Variants in LYPLAL1 observed in about 807,000 individuals in gnomAD.
LYPLAL1 encodes the protein lysophospholipase-like protein 1.
Under a neutral mutation model 19.7 loss-of-function variants are expected in LYPLAL1, and 23 were observed. That is an observed-to-expected ratio of 1.17 (90% CI 0.84 to 1.65). LYPLAL1 has a LOEUF of 1.65. Ranked by LOEUF, LYPLAL1 falls within the 40% of genes most tolerant of loss-of-function variation. LYPLAL1 has a pLI of 0.00. For missense variants in LYPLAL1, 355 were observed against 279.4 expected (o/e 1.27, Z -1.93); for synonymous variants, 119 against 96.3 (o/e 1.24, Z -1.38).
chr1:219,445,027 C>A, the LYPLAL1 span, among the ~76,000 whole-genome samples: 1 of 151,184 alleles, frequency 6.6e-6, no homozygotes, highest in Non-Finnish European at 1.5e-5. Context: ...AATATGCTTT[C>A]TAGACCACAA....
chr1:219,238,304 A>ATTTTTTT, the LYPLAL1 span, among the ~76,000 whole-genome samples: 142 of 81,872 alleles, frequency 1.7e-3, 7 homozygotes, highest in African/African-American at 6.0e-3. Flanking sequence ...CGCCCGGCTA[A>ATTTTTTT]TTTTTTTTTT....
the LYPLAL1 span, among the ~76,000 whole-genome samples, chr1:219,260,825 C>CA: frequency 6.6e-6 from 1 of 151,332 alleles, no homozygotes; most frequent in Non-Finnish European, 1.5e-5. Flanking sequence ...TTCTTGAAGA[C>CA]AAAAAAACCT....
At chr1:219,388,768 A>G in the LYPLAL1 span, among the ~76,000 whole-genome samples, 3 of 152,218 alleles carry the variant, frequency 2.0e-5, no homozygotes, top group Non-Finnish European at 4.4e-5. Context: ...GTTGATGAAC[A>G]TTAAGGGAAA....
the LYPLAL1 span, among the ~76,000 whole-genome samples, chr1:219,340,929 G>T: frequency 1.3e-5 from 2 of 152,028 alleles, no homozygotes; most frequent in African/African-American, 4.8e-5. Context: ...TCTCCTATCT[G>T]TTAAAGCCTT....
the LYPLAL1 span, among the ~76,000 whole-genome samples, chr1:219,238,459 T>A: frequency 6.6e-6 from 1 of 151,880 alleles, no homozygotes; most frequent in African/African-American, 2.4e-5. Flanking sequence ...CCTAAACTTT[T>A]AATGTTTCTG....
At chr1:219,380,710 C>T in the LYPLAL1 span, among the ~76,000 whole-genome samples, 1 of 152,144 alleles carries the variant, frequency 6.6e-6, no homozygotes, top group Admixed American at 6.5e-5. Context: ...AGTCAAAAGG[C>T]AATATAAATA....
chr1:219,194,858 G>A (rs1167805732), intron 3 of LYPLAL1, among the ~76,000 whole-genome samples: 1 of 152,056 alleles, frequency 6.6e-6, no homozygotes, highest in Non-Finnish European at 1.5e-5. Flanking sequence ...AGTCTAGGTA[G>A]AGGGAATGAT....
At chr1:219,234,775 T>A in the LYPLAL1 span, among the ~76,000 whole-genome samples, 1 of 152,136 alleles carries the variant, frequency 6.6e-6, no homozygotes, top group Non-Finnish European at 1.5e-5. Context: ...TGACCTGGTA[T>A]TTTTATCACT....
chr1:219,411,563 G>A, the LYPLAL1 span, among the ~76,000 whole-genome samples: 1 of 152,310 alleles, frequency 6.6e-6, no homozygotes, highest in East Asian at 1.9e-4. Context: ...GGTGGGGCCA[G>A]ATAAGAGAAT....
chr1:219,339,938 A>G, the LYPLAL1 span, among the ~76,000 whole-genome samples: 2 of 152,012 alleles, frequency 1.3e-5, no homozygotes, highest in East Asian at 3.9e-4. Context: ...CTCTTCACTG[A>G]CTTTTGGTAC....
At chr1:219,225,156 C>T in the LYPLAL1 span, among the ~76,000 whole-genome samples, 1 of 152,180 alleles carries the variant, frequency 6.6e-6, no homozygotes, top group Non-Finnish European at 1.5e-5. Context: ...AGCACTCATC[C>T]TAGTTCCAGA....
chr1:219,260,969 A>G, the LYPLAL1 span, among the ~76,000 whole-genome samples: 2 of 152,032 alleles, frequency 1.3e-5, no homozygotes, highest in East Asian at 1.9e-4. Context: ...ATTTTAAAAC[A>G]TGCCTTTCAA....
chr1:219,258,426 T>C, the LYPLAL1 span, among the ~76,000 whole-genome samples: 1 of 152,032 alleles, frequency 6.6e-6, no homozygotes, highest in Non-Finnish European at 1.5e-5. Flanking sequence ...CTGCCATGGC[T>C]CCAGCCAGTC....
the LYPLAL1 span, among the ~76,000 whole-genome samples, chr1:219,288,773 C>T: frequency 2.0e-5 from 3 of 152,156 alleles, no homozygotes; most frequent in Non-Finnish European, 4.4e-5. Context: ...TATAAGAAAT[C>T]TCTGTATCTT....
chr1:219,301,767 C>G, the LYPLAL1 span, among the ~76,000 whole-genome samples: 1 of 151,842 alleles, frequency 6.6e-6, no homozygotes, highest in African/African-American at 2.4e-5. Context: ...TTTTAACTAA[C>G]AGTTATTTTT....
At chr1:219,266,871 C>T in the LYPLAL1 span, among the ~76,000 whole-genome samples, 1 of 152,080 alleles carries the variant, frequency 6.6e-6, no homozygotes, top group African/African-American at 2.4e-5. Flanking sequence ...GATATCTTTC[C>T]CCAAAATTAT....
chr1:219,259,061 G>T, the LYPLAL1 span, among the ~76,000 whole-genome samples: 11 of 151,682 alleles, frequency 7.3e-5, no homozygotes, highest in African/African-American at 2.4e-4. Flanking sequence ...AAACAACAAT[G>T]CAATGCCACC....
the LYPLAL1 span, among the ~76,000 whole-genome samples, chr1:219,219,432 A>T: frequency 6.6e-6 from 1 of 152,198 alleles, no homozygotes; most frequent in African/African-American, 2.4e-5. Context: ...ACAAGTTAAC[A>T]CTTGTTAGGC....
chr1:219,249,152 T>C, the LYPLAL1 span, among the ~76,000 whole-genome samples: 1 of 152,014 alleles, frequency 6.6e-6, no homozygotes, highest in Non-Finnish European at 1.5e-5. Flanking sequence ...GACTTACATA[T>C]ACTCTCAGGC....
Sources: gnomAD v4.1 joint callset for allele counts (sites outside exome capture counted in the v4.1 genomes callset) on GRCh38, gnomAD v4.1.1 for gene constraint, MANE v1.5 for transcripts, NCBI Gene and HGNC (gene_info 2026-07-23, HGNC 2026-07-21) for gene names.